The following CENPW variants were observed in gnomAD, a reference collection of about 807,000 sequenced individuals.
CENPW encodes the protein cancer-up-regulated gene 2 protein.
In CENPW, 3 loss-of-function variants were observed where a neutral mutation model predicts 11.1. That is an observed-to-expected ratio of 0.27 (90% confidence interval 0.12 to 0.70). CENPW has a LOEUF of 0.70. Among genes scored for constraint, CENPW ranks in the 30% least tolerant of loss-of-function variants. CENPW has a pLI of 0.77. For synonymous variants in CENPW, 38 were observed against 42.0 expected (o/e 0.91, Z 0.37); for missense variants, 100 against 105.6 (o/e 0.95, Z 0.23).
chr6:126,422,459 T>C, the CENPW span, among the ~76,000 whole-genome samples: 7 of 152,078 alleles, frequency 4.6e-5, no homozygotes, highest in Non-Finnish European at 1.0e-4. Flanking sequence ...TTTTTCTTCA[T>C]CCTCACGTGG....
chr6:126,420,767 C>G, the CENPW span, among the ~76,000 whole-genome samples: 5 of 152,054 alleles, frequency 3.3e-5, no homozygotes, highest in African/African-American at 1.2e-4. Flanking sequence ...TTAAGTGGGT[C>G]CTACAAAGGG....
At chr6:126,372,363 T>G in the CENPW span, among the ~76,000 whole-genome samples, 1 of 152,190 alleles carries the variant, frequency 6.6e-6, no homozygotes, top group African/African-American at 2.4e-5. Context: ...TTGATTTATA[T>G]TCTATGTTTA....
chr6:126,418,840 C>T, the CENPW span, among the ~76,000 whole-genome samples: 4 of 148,376 alleles, frequency 2.7e-5, no homozygotes, highest in African/African-American at 1.0e-4. Flanking sequence ...GACAAAAAGC[C>T]GAACACCGCA....
At chr6:126,444,584 T>C in the CENPW span, among the ~76,000 whole-genome samples, 1 of 151,174 alleles carries the variant, frequency 6.6e-6, no homozygotes, top group Non-Finnish European at 1.5e-5. Context: ...TTACAAATAT[T>C]CTTTTTCTTC....
the CENPW span, among the ~76,000 whole-genome samples, chr6:126,447,945 C>T: frequency 6.6e-6 from 1 of 151,342 alleles, no homozygotes; most frequent in Non-Finnish European, 1.5e-5. Context: ...GAAAACTTTG[C>T]TTTCATGAAT....
the CENPW span, among the ~76,000 whole-genome samples, chr6:126,377,489 T>A: frequency 6.6e-6 from 1 of 152,170 alleles, no homozygotes; most frequent in African/African-American, 2.4e-5. Flanking sequence ...AAACTATCTG[T>A]TATAAGTTTA....
the CENPW span, among the ~76,000 whole-genome samples, chr6:126,358,319 T>TA: frequency 1.3e-5 from 2 of 152,154 alleles, no homozygotes; most frequent in Non-Finnish European, 2.9e-5. Flanking sequence ...TTCTGCCTAT[T>TA]CAGTATGATG....
At chr6:126,419,739 T>C in the CENPW span, among the ~76,000 whole-genome samples, 2 of 152,186 alleles carry the variant, frequency 1.3e-5, no homozygotes, top group Non-Finnish European at 2.9e-5. Flanking sequence ...CTTTTCTACC[T>C]TCTAGACACT....
chr6:126,473,644 A>G, the CENPW span, among the ~76,000 whole-genome samples: 1 of 151,924 alleles, frequency 6.6e-6, no homozygotes, highest in African/African-American at 2.4e-5. Context: ...GAGGCAAGAG[A>G]TTCGCTTGAG....
At chr6:126,362,658 A>G in the CENPW span, among the ~76,000 whole-genome samples, 1 of 152,144 alleles carries the variant, frequency 6.6e-6, no homozygotes, top group African/African-American at 2.4e-5. Context: ...GCGCACTAGT[A>G]TCTTTAATTT....
chr6:126,435,318 C>G, the CENPW span, among the ~76,000 whole-genome samples: 1 of 151,808 alleles, frequency 6.6e-6, no homozygotes, highest in Non-Finnish European at 1.5e-5. Flanking sequence ...TGAAAAACGG[C>G]AGGTACATTA....
chr6:126,393,572 A>AT, the CENPW span, among the ~76,000 whole-genome samples: 23 of 151,144 alleles, frequency 1.5e-4, no homozygotes, highest in African/African-American at 4.8e-4. Context: ...TTTAATTACC[A>AT]TTTTTTTATG....
chr6:126,447,386 A>G, the CENPW span, among the ~76,000 whole-genome samples: 1 of 151,230 alleles, frequency 6.6e-6, no homozygotes, highest in Non-Finnish European at 1.5e-5. Context: ...ACAGTGGCAA[A>G]TAAAAAGTTG....
At chr6:126,453,959 AAAC>A in the CENPW span, among the ~76,000 whole-genome samples, 1 of 151,286 alleles carries the variant, frequency 6.6e-6, no homozygotes, top group Non-Finnish European at 1.5e-5. Flanking sequence ...ACAAAACAAA[AAAC>A]AACAACATAA....
At chr6:126,374,348 A>T in the CENPW span, among the ~76,000 whole-genome samples, 5 of 152,206 alleles carry the variant, frequency 3.3e-5, no homozygotes, top group African/African-American at 9.6e-5. Context: ...GGCTCTTTAA[A>T]ATTGAGCCAT....
the CENPW span, among the ~76,000 whole-genome samples, chr6:126,375,339 A>G: frequency 6.6e-6 from 1 of 152,212 alleles, no homozygotes. Flanking sequence ...TGGGAAGGGA[A>G]GGCATTTGAA....
rs762147073 is a variant in CENPW, at chr6:126,340,384, A to G, written c.111A>G (p.Lys37=). 6.2e-7 allele frequency: 1 copy of G among 1,614,160 alleles called. No individual in the cohort carries two copies. Among genetic ancestry groups the G allele is most frequent in the Non-Finnish European group, 8.5e-7 (1 of 1,180,036 alleles). The change falls in exon 1 of 3, where the codon AAA becomes AAG. Residue 37 remains lysine (K), a synonymous_variant. Coordinates refer to ENST00000368328, the MANE Select transcript of CENPW (RefSeq NM_001012507.4). ...AGAAGCCTCAACTTCGTCTGGAGAA[A>G]AGTGGTGACTTATTGGTGAGATTCC... ...KRKKPQLRLE[K]SGDLLVHLNC...
At chr6:126,435,539 C>G in the CENPW span, among the ~76,000 whole-genome samples, 2 of 151,808 alleles carry the variant, frequency 1.3e-5, no homozygotes, top group Non-Finnish European at 2.9e-5. Context: ...TGTGACTTAT[C>G]AGTATCCTAT....
chr6:126,387,686 G>A, the CENPW span, among the ~76,000 whole-genome samples: 11 of 151,922 alleles, frequency 7.2e-5, no homozygotes, highest in Admixed American at 2.0e-4. Context: ...GGTTTCTACC[G>A]ATTATTGGGT....
Sources: allele counts gnomAD v4.1 joint callset (sites outside exome capture counted in the v4.1 genomes callset), GRCh38; gene constraint gnomAD v4.1.1; transcripts MANE v1.5; gene names NCBI Gene and HGNC (gene_info 2026-07-23, HGNC 2026-07-21).